NHLRC3: variants seen among roughly 807,000 people sequenced by gnomAD.
NHLRC3 encodes the protein NHL repeat containing 3.
In NHLRC3, 23 loss-of-function variants were observed where a neutral mutation model predicts 32.0. That is an observed-to-expected ratio of 0.72 (90% CI 0.52 to 1.02). The LOEUF (loss-of-function observed/expected upper bound fraction) is 1.02. NHLRC3 is among the 50% of genes least tolerant of loss of function. The probability of loss-of-function intolerance (pLI) is 0.00; values close to 1 mark genes in which losing one functional copy is unlikely to be tolerated. For synonymous variants in NHLRC3, 159 were observed against 147.9 expected (o/e 1.08, Z -0.55); for missense variants, 407 against 406.8 (o/e 1.00, Z -0.01).
chr13:39,038,657 C>T lies in NHLRC3; in HGVS notation c.18C>T (p.Val6=), dbSNP rs1376441961. 1.2e-6 allele frequency: 2 copies of T among 1,614,202 alleles called. No individual in the cohort carries two copies. Among genetic ancestry groups the T allele is most frequent in the East Asian group, 2.2e-5 (1 of 44,880 alleles). The change falls in exon 1 of 7, where the codon GTC becomes GTT. Residue 6 remains valine, a synonymous_variant. Transcript: ENST00000379600. ...GTCTGGTCATGGCGAGATTCTGGGTCTGCGTAGCCGGTGCTGGCTTCTTTC... is the reference window on the plus strand; with the variant it reads ...GTCTGGTCATGGCGAGATTCTGGGTTTGCGTAGCCGGTGCTGGCTTCTTTC... The part of the protein sequence containing the change: MARFW[V]CVAGAGFFLA...
rs1871793154 is a variant in NHLRC3, at chr13:39,048,833, C to T, written c.*907C>T. 2 of 152,492 alleles carry T rather than the reference C, an allele frequency of 1.3e-5. No homozygotes were observed. Among genetic ancestry groups the T allele is most frequent in the Non-Finnish European group, 2.9e-5 (2 of 68,024 alleles). 9.4% of individuals were successfully genotyped at this position (152,492 alleles called of 1,614,324 possible). On this transcript the variant is annotated 3_prime_UTR_variant, in exon 7 of 7. Transcript: ENST00000379600. ...CAAATAACTAAGGATTGTAGAGCTT[C>T]CTTCTCTTTTTTTTTCTTTTTCTTT... is the stretch of plus-strand genomic sequence containing the variant.
intron 5 of NHLRC3, among the ~76,000 whole-genome samples, chr13:39,046,306 G>A (rs995252375): frequency 2.6e-5 from 4 of 152,082 alleles, no homozygotes; most frequent in Non-Finnish European, 5.9e-5. Flanking sequence ...GTGACAGAGC[G>A]AGACTCCATC....
chr13:39,039,769 C>T (rs936277788), intron 3 of NHLRC3, 58 bp downstream of exon 3: 30 of 1,280,238 alleles, frequency 2.3e-5, no homozygotes, highest in Non-Finnish European at 3.2e-5. Context: ...TTGCACATGT[C>T]CTTGTTTGTA....
chr13:39,046,302 G>C (rs1334152714), intron 5 of NHLRC3, among the ~76,000 whole-genome samples: 1 of 152,194 alleles, frequency 6.6e-6, no homozygotes, highest in Admixed American at 6.5e-5. Context: ...CTGGGTGACA[G>C]AGCGAGACTC....
chr13:39,044,227 G>T, intron 5 of NHLRC3, 46 bp downstream of exon 5: 1 of 1,055,278 alleles, frequency 9.5e-7, no homozygotes, highest in Non-Finnish European at 1.4e-6. Context: ...GTCTGAATAT[G>T]TTTGTGTGTG....
chr13:39,043,056 G>C (rs1871523979), intron 4 of NHLRC3, among the ~76,000 whole-genome samples: 1 of 152,176 alleles, frequency 6.6e-6, no homozygotes, highest in Admixed American at 6.5e-5. Flanking sequence ...TAGTAGAAAA[G>C]TGATGTTACA....
intron 5 of NHLRC3, 122 bp downstream of exon 5, chr13:39,044,303 G>T: frequency 1.3e-6 from 1 of 741,304 alleles, no homozygotes; most frequent in East Asian, 2.5e-5. Context: ...GTATACATGT[G>T]TGTCTGGGCA....
intron 5 of NHLRC3, among the ~76,000 whole-genome samples, chr13:39,044,901 A>G (rs750415051): frequency 3.0e-4 from 46 of 152,232 alleles, no homozygotes; most frequent in Non-Finnish European, 5.0e-4. Flanking sequence ...CTATCATGCT[A>G]TATTATAATC....
At chr13:39,045,792 A>C (rs557750852) in intron 5 of NHLRC3, among the ~76,000 whole-genome samples, 1 of 152,358 alleles carries the variant, frequency 6.6e-6, no homozygotes, top group East Asian at 1.9e-4. Flanking sequence ...TTTGGCATCA[A>C]CAACCTTTCT....
chr13:39,040,912 AAAGTC>A (rs1283241695), intron 3 of NHLRC3: 1 of 152,206 alleles, frequency 6.6e-6, no homozygotes, highest in Non-Finnish European at 1.5e-5. Flanking sequence ...TCAACCAAAA[AAAGTC>A]TATAGATTAT....
At chr13:39,046,281 T>A (rs942507090) in intron 5 of NHLRC3, among the ~76,000 whole-genome samples, 1 of 152,160 alleles carries the variant, frequency 6.6e-6, no homozygotes, top group Non-Finnish European at 1.5e-5. Flanking sequence ...ACTGCGCCAC[T>A]GCACTCCAGC....
chr13:39,047,644 A>G (rs200494427), intron 6 of NHLRC3, 30 bp from the exon 7 acceptor site: 658 of 1,587,086 alleles, frequency 4.1e-4, no homozygotes, highest in Non-Finnish European at 5.4e-4. Context: ...TTTCACAGAC[A>G]TTTATTATGT....
chr13:39,040,978 C>T (rs949255139), intron 3 of NHLRC3: 2 of 152,108 alleles, frequency 1.3e-5, no homozygotes, highest in African/African-American at 4.8e-5. Context: ...CACTTTTTTC[C>T]TGAAGATCCA....
intron 4 of NHLRC3, among the ~76,000 whole-genome samples, chr13:39,043,827 AC>A (rs1294877327): frequency 1.3e-5 from 2 of 152,166 alleles, no homozygotes; most frequent in Admixed American, 6.5e-5. Context: ...TAAACCCTAA[AC>A]AATGATTTTG....
At chr13:39,045,287 C>G (rs1421344220) in intron 5 of NHLRC3, among the ~76,000 whole-genome samples, 4 of 152,150 alleles carry the variant, frequency 2.6e-5, no homozygotes, top group Non-Finnish European at 5.9e-5. Context: ...CATTATCCTC[C>G]TGAGCTTGGG....
chr13:39,046,549 T>C (rs973842119), intron 5 of NHLRC3, among the ~76,000 whole-genome samples: 3 of 152,210 alleles, frequency 2.0e-5, no homozygotes, highest in African/African-American at 7.2e-5. Context: ...ATAGCAGGTA[T>C]GGGTTTAATG....
Position 39,039,232 on chromosome 13 carries a change from G to C in NHLRC3, c.181G>C (p.Gly61Arg). Reference protein sequence around the residue: ...GWPKHPEYFTGTTFCVAVDSL... With the variant: ...GWPKHPEYFTRTTFCVAVDSL... ...GCCTAAGCACCCAGAATATTTTACCGGAACAACATTTTGTGTTGCAGTTGA... is the reference window on the plus strand; with the variant it reads ...GCCTAAGCACCCAGAATATTTTACCCGAACAACATTTTGTGTTGCAGTTGA... Residue 61 changes from glycine to arginine, a missense_variant, in exon 2 of 7, where the codon GGA becomes CGA. Coordinates refer to ENST00000379600, the MANE Select transcript of NHLRC3 (RefSeq NM_001012754.4). 1 of 1,613,862 alleles carries C rather than the reference G, an allele frequency of 6.2e-7. No homozygotes were observed. Among genetic ancestry groups the C allele is most frequent in the African/African-American group, 1.3e-5 (1 of 75,010 alleles).
chr13:39,039,078 C>CCCCATT, intron 1 of NHLRC3, 58 bp from the exon 2 acceptor site: 1 of 1,038,068 alleles, frequency 9.6e-7, no homozygotes, highest in Non-Finnish European at 1.4e-6. Flanking sequence ...CCCCCCCGCC[C>CCCCATT]TTTTTTTGTT....
chr13:39,047,594 G>T, intron 6 of NHLRC3, 80 bp from the exon 7 acceptor site: 1 of 1,170,474 alleles, frequency 8.5e-7, no homozygotes. Flanking sequence ...GTTTGGCACA[G>T]TAGGGGATTA....
Sources: allele counts gnomAD v4.1 joint callset (sites outside exome capture counted in the v4.1 genomes callset), GRCh38; gene constraint gnomAD v4.1.1; transcripts MANE v1.5; gene names NCBI Gene and HGNC (gene_info 2026-07-23, HGNC 2026-07-21).